The following SAMD12 variants were observed in gnomAD, a reference collection of about 807,000 sequenced individuals.
The protein encoded by SAMD12 is sterile alpha motif domain containing 12, also known as sterile alpha motif domain-containing protein 12.
In SAMD12, 9 loss-of-function variants were observed where a neutral mutation model predicts 15.0. The ratio of observed to expected loss-of-function variants is 0.60; its 90% CI spans 0.36 to 1.05. The LOEUF (loss-of-function observed/expected upper bound fraction) is 1.05, where lower values mean the gene tolerates loss of function less well. Ranked by LOEUF, SAMD12 falls within the 50% of genes least tolerant of loss-of-function variation. SAMD12 has a pLI of 0.01. For synonymous variants in SAMD12, 86 were observed against 90.1 expected, an observed-to-expected ratio of 0.96 and a Z score of 0.25; for missense variants, 230 against 234.2, an observed-to-expected ratio of 0.98 and a Z score of 0.12.
At chr8:118,216,036 C>T (rs908183474) in intron 4 of SAMD12, among the ~76,000 whole-genome samples, 11 of 151,788 alleles carry the variant, frequency 7.2e-5, no homozygotes, top group South Asian at 4.2e-4. Context: ...TGAGGAATCA[C>T]CACACTGACT....
the SAMD12 span, among the ~76,000 whole-genome samples, chr8:118,162,658 A>G: frequency 6.6e-6 from 1 of 152,198 alleles, no homozygotes; most frequent in African/African-American, 2.4e-5. Context: ...CCACATCACA[A>G]AAGTGATTAC....
At chr8:118,420,305 A>G (rs1821939164) in intron 3 of SAMD12, among the ~76,000 whole-genome samples, 2 of 152,064 alleles carry the variant, frequency 1.3e-5, no homozygotes, top group African/African-American at 4.8e-5. Flanking sequence ...GTGTGTATAT[A>G]TAGGAGGGTA....
chr8:118,496,871 C>CAA lies in SAMD12; in HGVS notation c.193-56912_193-56911dup, dbSNP rs58762417. On this transcript the variant is annotated intron_variant, in intron 2 of 3. Transcript: ENST00000314727. ...AAGGAACTTAAGCAAATTTACAAGC[C>CAA]AAAAAAAAACCCAAATGACCCCATT... Among the ~76,000 whole-genome samples the CAA allele has an allele frequency of 2.8e-3, 413 of 148,110 alleles. 3 individuals are homozygous for CAA. The highest frequency in any genetic ancestry group is 9.8e-3 in the African/African-American group (396 of 40,486).
intron 2 of SAMD12, among the ~76,000 whole-genome samples, chr8:118,531,847 T>C (rs1825694470): frequency 6.6e-6 from 1 of 152,206 alleles, no homozygotes; most frequent in Non-Finnish European, 1.5e-5. Flanking sequence ...TAGGGTTTTC[T>C]AAATATACAA....
intron 2 of SAMD12, among the ~76,000 whole-genome samples, chr8:118,520,994 G>A (rs964229593): frequency 7.2e-5 from 11 of 151,976 alleles, no homozygotes; most frequent in African/African-American, 2.4e-4. Context: ...AAGATTTGTT[G>A]GACTCTGTGT....
At chr8:118,448,065 T>C (rs1362231804) in intron 2 of SAMD12, among the ~76,000 whole-genome samples, 1 of 152,214 alleles carries the variant, frequency 6.6e-6, no homozygotes, top group African/African-American at 2.4e-5. Context: ...CCTTAATACA[T>C]TCTGTTCCCA....
intron 3 of SAMD12, among the ~76,000 whole-genome samples, chr8:118,386,656 C>T (rs1819980270): frequency 6.6e-6 from 1 of 152,194 alleles, no homozygotes. Context: ...CTGCCTAAAA[C>T]AGCACAGAAG....
At chr8:118,424,699 T>A (rs546251307) in intron 3 of SAMD12, among the ~76,000 whole-genome samples, 1 of 152,344 alleles carries the variant, frequency 6.6e-6, no homozygotes, top group African/African-American at 2.4e-5. Flanking sequence ...TGTGTTTTAC[T>A]GAAACAGTGC....
the SAMD12 span, among the ~76,000 whole-genome samples, chr8:118,168,601 A>G: frequency 6.6e-6 from 1 of 152,274 alleles, no homozygotes; most frequent in African/African-American, 2.4e-5. Context: ...CCTCATGCAA[A>G]CAGGCCTCTG....
rs142052270 is a variant in SAMD12, at chr8:118,264,041, T to G, written c.434-66309A>C. On this transcript the variant is annotated intron_variant, in intron 4 of 4. Transcript: ENST00000409003. ...TACAACATTCTGTTGTTTCTAAACATAAGCTTTAGGTTTATTTTTGGTCTC... is the reference window on the plus strand; with the variant it reads ...TACAACATTCTGTTGTTTCTAAACAGAAGCTTTAGGTTTATTTTTGGTCTC... 3.4e-3 allele frequency among the ~76,000 whole-genome samples: 519 copies of G among 152,250 alleles called. 2 individuals are homozygous for G. Among genetic ancestry groups the G allele is most frequent in the African/African-American group, 0.012 (497 of 41,560 alleles).
chr8:118,226,266 T>G (rs1812186618), intron 4 of SAMD12, among the ~76,000 whole-genome samples: 1 of 152,172 alleles, frequency 6.6e-6, no homozygotes, highest in Non-Finnish European at 1.5e-5. Context: ...TCTCACCATC[T>G]GGAGACTATG....
At chr8:118,268,079 A>G (rs936726497) in intron 4 of SAMD12, among the ~76,000 whole-genome samples, 1 of 151,996 alleles carries the variant, frequency 6.6e-6, no homozygotes, top group African/African-American at 2.4e-5. Context: ...GCAACAGAGC[A>G]AGGCTTCATC....
At chr8:118,338,399 T>A (rs1421837351) in intron 4 of SAMD12, among the ~76,000 whole-genome samples, 2 of 152,232 alleles carry the variant, frequency 1.3e-5, no homozygotes, top group African/African-American at 4.8e-5. Flanking sequence ...ATATTTGATA[T>A]CAATTCTTAT....
chr8:118,501,667 C>T (rs1233248319), intron 2 of SAMD12, among the ~76,000 whole-genome samples: 4 of 152,052 alleles, frequency 2.6e-5, no homozygotes, highest in South Asian at 2.1e-4. Flanking sequence ...TGTTTACTGC[C>T]GAGCAGTGCT....
chr8:118,323,311 G>A (rs1816390158), intron 4 of SAMD12, among the ~76,000 whole-genome samples: 1 of 152,144 alleles, frequency 6.6e-6, no homozygotes, highest in Non-Finnish European at 1.5e-5. Context: ...TCTAATGTAT[G>A]GGAATGAACA....
At chr8:118,202,511 G>A (rs1040373876) in intron 4 of SAMD12, among the ~76,000 whole-genome samples, 2 of 152,168 alleles carry the variant, frequency 1.3e-5, no homozygotes, top group African/African-American at 4.8e-5. Flanking sequence ...TGGCCCAGGA[G>A]GCAGTGGCCA....
chr8:118,366,226 G>C (rs559691484), intron 4 of SAMD12, among the ~76,000 whole-genome samples: 1 of 152,086 alleles, frequency 6.6e-6, no homozygotes, highest in Non-Finnish European at 1.5e-5. Context: ...ACTAATAGCT[G>C]GCAAAGTTCA....
chr8:118,194,731 G>A (rs959900280), exon 5 of SAMD12: 3 of 152,094 alleles, frequency 2.0e-5, no homozygotes, highest in Non-Finnish European at 4.4e-5. Context: ...TGGATTTCTA[G>A]GAGGTAACAT....
At chr8:118,164,383 A>T in the SAMD12 span, among the ~76,000 whole-genome samples, 1 of 152,158 alleles carries the variant, frequency 6.6e-6, no homozygotes, top group East Asian at 1.9e-4. Context: ...GCCACTGTCA[A>T]GGGTCGCCTC....
Sources: gnomAD v4.1 joint callset for allele counts (sites outside exome capture counted in the v4.1 genomes callset) on GRCh38, gnomAD v4.1.1 for gene constraint, MANE v1.5 for transcripts, NCBI Gene and HGNC (gene_info 2026-07-23, HGNC 2026-07-21) for gene names.